Variants in AGBL4 observed in about 807,000 individuals in gnomAD.
AGBL4 encodes the protein cytosolic carboxypeptidase 6.
AGBL4 carries 58 observed loss-of-function variants against 66.4 expected under a neutral mutation model. The ratio of observed to expected loss-of-function variants is 0.87; its 90% confidence interval spans 0.71 to 1.09. The LOEUF (loss-of-function observed/expected upper bound fraction) is 1.09, where lower values mean the gene tolerates loss of function less well. AGBL4 is among the 50% of genes least tolerant of loss of function. The pLI is 0.00. For synonymous variants in AGBL4, 234 were observed against 222.9 expected, an observed-to-expected ratio of 1.05 and a Z score of -0.44; for missense variants, 579 against 631.0, an observed-to-expected ratio of 0.92 and a Z score of 0.88.
intron 4 of AGBL4, among the ~76,000 whole-genome samples, chr1:49,138,975 A>C (rs1208129340): frequency 6.6e-6 from 1 of 152,158 alleles, no homozygotes; most frequent in Non-Finnish European, 1.5e-5. Flanking sequence ...ACTTACAATG[A>C]TGGCAAAAAA....
chr1:49,948,604 GA>G (rs1655781866), intron 1 of AGBL4, among the ~76,000 whole-genome samples: 1 of 140,474 alleles, frequency 7.1e-6, no homozygotes, highest in African/African-American at 2.6e-5. Flanking sequence ...GAGAGAGAGA[GA>G]GATACACTTA....
At chr1:49,548,673 T>G (rs1330518288) in intron 3 of AGBL4, among the ~76,000 whole-genome samples, 1 of 152,230 alleles carries the variant, frequency 6.6e-6, no homozygotes, top group Non-Finnish European at 1.5e-5. Flanking sequence ...TTGAATTTGA[T>G]TAGCTAGTAT....
intron 6 of AGBL4, among the ~76,000 whole-genome samples, chr1:48,664,019 A>C (rs1646147350): frequency 1.3e-5 from 2 of 152,240 alleles, no homozygotes; most frequent in Non-Finnish European, 2.9e-5. Context: ...GACATTGAAC[A>C]AGAGCCAATG....
At chr1:49,723,863 G>A (rs1648802141) in intron 2 of AGBL4, among the ~76,000 whole-genome samples, 3 of 152,092 alleles carry the variant, frequency 2.0e-5, no homozygotes, top group African/African-American at 7.2e-5. Context: ...TTTACTGAAT[G>A]AATTATGTGC....
At chr1:49,079,207 G>A (rs1644763572) in intron 4 of AGBL4, among the ~76,000 whole-genome samples, 1 of 152,178 alleles carries the variant, frequency 6.6e-6, no homozygotes, top group South Asian at 2.1e-4. Flanking sequence ...TACATTTGGA[G>A]CCAGCCAGAC....
At chr1:49,691,717 G>A (rs901285967) in intron 3 of AGBL4, among the ~76,000 whole-genome samples, 15 of 152,108 alleles carry the variant, frequency 9.9e-5, no homozygotes, top group Non-Finnish European at 1.5e-4. Context: ...GTTGGGCTGG[G>A]AAAGGCAGAC....
chr1:48,861,771 AATGACT>A (rs1647495393), intron 6 of AGBL4, among the ~76,000 whole-genome samples: 1 of 152,208 alleles, frequency 6.6e-6, no homozygotes, highest in Non-Finnish European at 1.5e-5. Flanking sequence ...TCTGACACCC[AATGACT>A]ATGCCTCCTT....
At chr1:48,956,721 G>A (rs1307931690) in intron 5 of AGBL4, among the ~76,000 whole-genome samples, 1 of 152,148 alleles carries the variant, frequency 6.6e-6, no homozygotes, top group African/African-American at 2.4e-5. Context: ...CGCAGCCATA[G>A]AAAGGAAAAT....
chr1:49,550,683 T>C (rs1006424523), intron 3 of AGBL4, among the ~76,000 whole-genome samples: 9 of 152,196 alleles, frequency 5.9e-5, no homozygotes, highest in African/African-American at 2.2e-4. Flanking sequence ...GTTAATCTGA[T>C]AGGTTTTCCT....
At chr1:49,547,232 T>G (rs1439337541) in intron 3 of AGBL4, among the ~76,000 whole-genome samples, 1 of 152,242 alleles carries the variant, frequency 6.6e-6, no homozygotes. Context: ...GCTAGCCAAT[T>G]ATACCAGCAC....
chr1:49,196,906 A>T (rs2148220380), intron 4 of AGBL4, among the ~76,000 whole-genome samples: 1 of 152,132 alleles, frequency 6.6e-6, no homozygotes, highest in East Asian at 1.9e-4. Context: ...GGCTCACTGC[A>T]GCCTTGACTT....
At position 49,656,121 on chromosome 1, in the gene AGBL4, TG is replaced by T. The variant is rs1280548611; in HGVS notation, c.282+41191del. Among the ~76,000 whole-genome samples the T allele has an allele frequency of 2.0e-5, 3 of 149,736 alleles. No homozygotes were observed. In the Admixed American group the frequency reaches 2.0e-4, roughly 10 times the overall value. On this transcript the variant is annotated intron_variant, in intron 3 of 13. Coordinates refer to ENST00000371839, the MANE Select transcript of AGBL4 (RefSeq NM_032785.4). ...AAGATCGTGCCACTGCACTCCAGCC[TG>T]GGCGACAGAGTGAGACTCCGTCTCA...
intron 3 of AGBL4, among the ~76,000 whole-genome samples, chr1:49,693,466 C>T (rs774977760): frequency 6.6e-6 from 1 of 151,858 alleles, no homozygotes; most frequent in Admixed American, 6.6e-5. Context: ...TATTTAGGTT[C>T]TTTAGAAGCA....
chr1:48,774,441 A>G (rs1031667294), intron 6 of AGBL4, among the ~76,000 whole-genome samples: 39 of 152,198 alleles, frequency 2.6e-4, no homozygotes, highest in African/African-American at 9.4e-4. Flanking sequence ...ATCAAAATTC[A>G]AAATGTGGTT....
chr1:49,201,501 C>A (rs1647697165), intron 4 of AGBL4, among the ~76,000 whole-genome samples: 1 of 152,218 alleles, frequency 6.6e-6, no homozygotes, highest in East Asian at 1.9e-4. Context: ...TGTCAAAGTC[C>A]TTTTTAATGT....
At chr1:49,045,157 G>T (rs933595707) in intron 5 of AGBL4, among the ~76,000 whole-genome samples, 1 of 152,170 alleles carries the variant, frequency 6.6e-6, no homozygotes, top group African/African-American at 2.4e-5. Context: ...TGTACTGCAG[G>T]CAAGTTTGGT....
intron 3 of AGBL4, among the ~76,000 whole-genome samples, chr1:49,305,845 C>A (rs1644839953): frequency 6.6e-6 from 1 of 152,106 alleles, no homozygotes; most frequent in African/African-American, 2.4e-5. Flanking sequence ...CAAGTGCCAC[C>A]ACGCCCGGCT....
chr1:48,801,913 T>C (rs1645818889), intron 6 of AGBL4, among the ~76,000 whole-genome samples: 1 of 146,018 alleles, frequency 6.8e-6, no homozygotes, highest in Admixed American at 6.8e-5. Context: ...ATAATAACTT[T>C]TTTTTTTTTT....
intron 3 of AGBL4, among the ~76,000 whole-genome samples, chr1:49,570,956 T>C (rs1050698270): frequency 2.0e-5 from 3 of 152,086 alleles, no homozygotes; most frequent in Non-Finnish European, 2.9e-5. Context: ...TGTCTGTTTT[T>C]ATACCATTAC....
Sources: gnomAD v4.1 joint callset for allele counts (sites outside exome capture counted in the v4.1 genomes callset) on GRCh38, gnomAD v4.1.1 for gene constraint, MANE v1.5 for transcripts, NCBI Gene and HGNC (gene_info 2026-07-23, HGNC 2026-07-21) for gene names.